Variants in RUNX3 observed in about 807,000 individuals in gnomAD.
RUNX3 encodes RUNX family transcription factor 3.
RUNX3 carries 10 observed loss-of-function variants against 27.7 expected under a neutral mutation model. That is an observed-to-expected ratio of 0.36 (90% CI 0.22 to 0.61). RUNX3 has a LOEUF of 0.61. Ranked by LOEUF, RUNX3 falls within the 20% of genes least tolerant of loss-of-function variation. The pLI, the probability that RUNX3 is intolerant of heterozygous loss-of-function variation, is 0.72. For missense variants in RUNX3, 469 were observed against 629.5 expected (o/e 0.75, Z 2.73); for synonymous variants, 270 against 269.2 (o/e 1.00, Z -0.03).
chr1:24,919,402 T>C, intron 2 of RUNX3, 58 bp from the exon 3 acceptor site: 1 of 1,144,172 alleles, frequency 8.7e-7, no homozygotes, highest in South Asian at 1.2e-5. Context: ...CACAATACCC[T>C]GCTCTCCCAC....
At chr1:24,963,243 C>G (rs72657048) in intron 2 of RUNX3, 69,925 of 152,452 alleles carry the variant, frequency 0.46, 17,659 homozygotes, top group East Asian at 0.7. Context: ...TTCCCAGAAG[C>G]CTGAGGACTC....
upstream of RUNX3, among the ~76,000 whole-genome samples, chr1:24,931,253 C>T (rs1332900954): frequency 2.6e-5 from 4 of 152,246 alleles, no homozygotes; most frequent in Non-Finnish European, 4.4e-5. Flanking sequence ...AACCCCACTT[C>T]TTCTTGGGCC....
intron 2 of RUNX3, among the ~76,000 whole-genome samples, chr1:24,937,588 C>T (rs1332365797): frequency 6.6e-6 from 1 of 152,264 alleles, no homozygotes. Context: ...GACTTGAACT[C>T]AGGTCTCCCT....
chr1:24,957,555 C>T (rs1468289552), intron 2 of RUNX3, among the ~76,000 whole-genome samples: 1 of 152,190 alleles, frequency 6.6e-6, no homozygotes, highest in Non-Finnish European at 1.5e-5. Context: ...GGGAAGGCTC[C>T]CCAAGGGGGC....
chr1:24,936,446 T>C (rs1571334010), intron 2 of RUNX3, among the ~76,000 whole-genome samples: 1 of 152,238 alleles, frequency 6.6e-6, no homozygotes, highest in East Asian at 1.9e-4. Flanking sequence ...GTTACAGTCA[T>C]GGAATAGAAT....
At chr1:24,961,030 C>A (rs1371852086) in intron 2 of RUNX3, among the ~76,000 whole-genome samples, 1 of 152,208 alleles carries the variant, frequency 6.6e-6, no homozygotes, top group Non-Finnish European at 1.5e-5. Flanking sequence ...GCCCTCTTCT[C>A]ACCTCCTGCT....
At chr1:24,941,401 G>A (rs1641476803) in intron 2 of RUNX3, among the ~76,000 whole-genome samples, 1 of 152,214 alleles carries the variant, frequency 6.6e-6, no homozygotes, top group Non-Finnish European at 1.5e-5. Context: ...CTTGATTATA[G>A]TAACTAGCGT....
At position 24,943,746 on chromosome 1, in the gene RUNX3, C is replaced by A. The variant is rs762134148; in HGVS notation, c.59-13894G>T. ...GGTCATCGTGGGACCTCCGCTGGTC[C>A]CTGAATGTCAGGCCCCCTGAGGGCA... On this transcript the variant is annotated intron_variant, in intron 2 of 6. Transcript: ENST00000338888. The surrounding 1 kb of genome is among the most constrained non-coding windows in gnomAD (Gnocchi z 4.6). Among the ~76,000 whole-genome samples, 2 of 152,216 alleles carry A rather than the reference C, an allele frequency of 1.3e-5. No homozygotes were observed. Among genetic ancestry groups the A allele is most frequent in the Non-Finnish European group, 2.9e-5 (2 of 68,042 alleles).
intron 2 of RUNX3, among the ~76,000 whole-genome samples, chr1:24,924,827 G>T (rs2124296119): frequency 6.6e-6 from 1 of 152,248 alleles, no homozygotes; most frequent in South Asian, 2.1e-4. Context: ...TTGTAAGAAA[G>T]GCTCCTCGTG....
chr1:24,957,336 T>TCATCCATC (rs72443915), intron 2 of RUNX3, among the ~76,000 whole-genome samples: 3,016 of 149,900 alleles, frequency 0.02, 35 homozygotes, highest in East Asian at 0.037. Flanking sequence ...ATTCATTCGT[T>TCATCCATC]CATCCATCCA....
In RUNX3 at chr1:24,900,416, C is replaced by A. The variant is rs918312533; in HGVS notation, c.*1706G>T. 3 of 152,320 alleles carry A rather than the reference C, an allele frequency of 2.0e-5. No homozygotes were observed. The highest frequency in any genetic ancestry group is 2.9e-5 in the Non-Finnish European group (2 of 68,052). 9.4% of individuals were successfully genotyped at this position (152,320 alleles called of 1,614,324 possible). A position where few individuals can be genotyped will look rare whatever the true frequency, so the allele number is the denominator to read the frequency against. Reference sequence around the variant, plus strand: ...GGCAGATTTCTGCATCCACAGAGGCCGAGGCAGAAAGTTAAAATACCGCAT... The same window carrying A: ...GGCAGATTTCTGCATCCACAGAGGCAGAGGCAGAAAGTTAAAATACCGCAT... On this transcript the variant is annotated 3_prime_UTR_variant, in exon 5 of 5. Coordinates refer to ENST00000308873, the MANE Select transcript of RUNX3 (RefSeq NM_004350.3).
intron 3 of RUNX3, among the ~76,000 whole-genome samples, chr1:24,915,373 G>C (rs1019357615): frequency 2.0e-5 from 3 of 152,122 alleles, no homozygotes; most frequent in Non-Finnish European, 4.4e-5. Flanking sequence ...GCTGTGAGCC[G>C]AGATCTTGCC....
chr1:24,928,364 T>G (rs1384171611), intron 1 of RUNX3, among the ~76,000 whole-genome samples: 1 of 152,194 alleles, frequency 6.6e-6, no homozygotes, highest in Non-Finnish European at 1.5e-5. Context: ...AGGATGCACC[T>G]GCCGGGAATT....
upstream of RUNX3, among the ~76,000 whole-genome samples, chr1:24,932,640 C>T (rs1471480041): frequency 6.6e-6 from 1 of 152,190 alleles, no homozygotes. Flanking sequence ...CGTTTTCAGG[C>T]ACCCGGGGAA....
At chr1:24,912,479 C>T (rs1406392793) in intron 3 of RUNX3, among the ~76,000 whole-genome samples, 1 of 152,142 alleles carries the variant, frequency 6.6e-6, no homozygotes, top group Non-Finnish European at 1.5e-5. Context: ...CCAGGAGCCC[C>T]TCCTCCAGGA....
At chr1:24,930,300 G>A (rs958221618), upstream of RUNX3, 5 of 934,870 alleles carry the variant, frequency 5.3e-6, no homozygotes, top group African/African-American at 1.8e-5. This position sits in a 1 kb window ranked among gnomAD's most constrained non-coding sequence, Gnocchi z 4.1. Flanking sequence ...CCCGCGCGGG[G>A]TTAGTACCCC....
intron 2 of RUNX3, among the ~76,000 whole-genome samples, chr1:24,938,117 A>T (rs930849331): frequency 6.6e-6 from 1 of 152,238 alleles, no homozygotes; most frequent in African/African-American, 2.4e-5. Flanking sequence ...GCCATGTCCT[A>T]TAACCAGGCC....
intron 2 of RUNX3, among the ~76,000 whole-genome samples, chr1:24,960,853 T>G (rs1006024499): frequency 6.6e-6 from 1 of 152,138 alleles, no homozygotes; most frequent in Non-Finnish European, 1.5e-5. Flanking sequence ...ACAGAGTGTC[T>G]GGATCACAGC....
intron 3 of RUNX3, among the ~76,000 whole-genome samples, chr1:24,909,016 G>C (rs762510368): frequency 1.7e-4 from 26 of 152,264 alleles, no homozygotes; most frequent in Non-Finnish European, 3.1e-4. Flanking sequence ...GTCACACCTG[G>C]AGAAAACTGC....
Sources: allele counts gnomAD v4.1 joint callset (sites outside exome capture counted in the v4.1 genomes callset), GRCh38; gene constraint gnomAD v4.1.1; non-coding constraint Gnocchi (gnomAD v3.1); transcripts MANE v1.5; gene names NCBI Gene and HGNC (gene_info 2026-07-23, HGNC 2026-07-21).